The following GUCY1A2 variants were observed in gnomAD, a reference collection of about 807,000 sequenced individuals.
The protein encoded by GUCY1A2 is guanylate cyclase soluble subunit alpha-2.
GUCY1A2 carries 27 observed loss-of-function variants against 63.5 expected under a neutral mutation model. That is an observed-to-expected ratio of 0.43 (90% confidence interval 0.31 to 0.59). The LOEUF is 0.59. Ranked by LOEUF, GUCY1A2 falls within the 20% of genes least tolerant of loss-of-function variation. GUCY1A2 has a pLI of 0.11. For synonymous variants in GUCY1A2, 364 were observed against 343.5 expected, an observed-to-expected ratio of 1.06 and a Z score of -0.66; for missense variants, 768 against 913.3, an observed-to-expected ratio of 0.84 and a Z score of 2.05.
chr11:106,923,815 TA>T (rs972794842), intron 4 of GUCY1A2, among the ~76,000 whole-genome samples: 1 of 152,110 alleles, frequency 6.6e-6, no homozygotes, highest in Non-Finnish European at 1.5e-5. Context: ...TGAGAAGTTT[TA>T]AAGTATTAAA....
rs1331733503 is a variant in GUCY1A2 at position 106,810,181 on chromosome 11, C to T, written c.1504G>A (p.Val502Ile). The T allele has an allele frequency of 1.2e-6, 2 of 1,613,698 alleles. No homozygotes were observed. Among genetic ancestry groups the T allele is most frequent in the East Asian group, 2.2e-5 (1 of 44,876 alleles). ...DLLYSIFPGD[V>I]AQQLWQGQQV... is the part of the protein sequence containing the mutation. Reference sequence around the variant, plus strand: ...TGCCCTTGCCATAATTGCTGGGCTACATCACCAGGGAAAATAGAATATAGA... The same window carrying T: ...TGCCCTTGCCATAATTGCTGGGCTATATCACCAGGGAAAATAGAATATAGA... The change falls in exon 5 of 8, where the codon GTA becomes ATA. Residue 502 changes from valine to isoleucine, a missense_variant. Physicochemically the swap from Val to Ile is conservative, Grantham distance 29. Transcript: ENST00000526355.
intron 3 of GUCY1A2, among the ~76,000 whole-genome samples, chr11:106,965,734 A>G (rs1861118979): frequency 6.6e-6 from 1 of 152,154 alleles, no homozygotes; most frequent in East Asian, 1.9e-4. Flanking sequence ...TGGCACATGG[A>G]GGTATTCAAA....
chr11:106,776,617 G>A, intron 5 of GUCY1A2, 35 bp from the exon 6 acceptor site: 1 of 1,597,414 alleles, frequency 6.3e-7, no homozygotes, highest in South Asian at 1.1e-5. Flanking sequence ...GCAAACGTAT[G>A]ATAATGAGCC....
At chr11:106,933,004 C>A (rs538778495) in intron 4 of GUCY1A2, among the ~76,000 whole-genome samples, 2 of 152,150 alleles carry the variant, frequency 1.3e-5, no homozygotes, top group East Asian at 3.9e-4. Context: ...AGACCTCGAA[C>A]AGTAAGAATC....
chr11:106,705,914 GATGTCACA>G (rs1230968849), intron 7 of GUCY1A2, among the ~76,000 whole-genome samples: 4 of 152,030 alleles, frequency 2.6e-5, no homozygotes, highest in Non-Finnish European at 5.9e-5. Flanking sequence ...AACTCATTAG[GATGTCACA>G]ATGAAAGACT....
chr11:106,849,698 C>T (rs1368847888), intron 4 of GUCY1A2, among the ~76,000 whole-genome samples: 1 of 150,550 alleles, frequency 6.6e-6, no homozygotes. Context: ...CCATTTAAGA[C>T]ACTCTTTTGA....
intron 4 of GUCY1A2, among the ~76,000 whole-genome samples, chr11:106,916,762 G>T (rs1860375444): frequency 6.9e-6 from 1 of 145,352 alleles, no homozygotes; most frequent in Non-Finnish European, 1.5e-5. Flanking sequence ...GATATATCTT[G>T]ATTACTGACA....
chr11:106,828,548 C>T (rs564115777), intron 4 of GUCY1A2, among the ~76,000 whole-genome samples: 1 of 152,212 alleles, frequency 6.6e-6, no homozygotes, highest in South Asian at 2.1e-4. Context: ...ATTTTAACAA[C>T]ACCTACACAT....
intron 4 of GUCY1A2, among the ~76,000 whole-genome samples, chr11:106,930,138 A>C (rs930866192): frequency 3.9e-5 from 6 of 152,258 alleles, no homozygotes; most frequent in African/African-American, 1.4e-4. Context: ...GATAAAACTG[A>C]AACAAGTAGT....
intron 7 of GUCY1A2, among the ~76,000 whole-genome samples, chr11:106,690,998 A>G (rs771987067): frequency 1.3e-5 from 2 of 152,232 alleles, no homozygotes; most frequent in Non-Finnish European, 2.9e-5. Flanking sequence ...TTAATATATA[A>G]TCAGTCACTT....
At chr11:106,926,264 A>G (rs935823320) in intron 4 of GUCY1A2, among the ~76,000 whole-genome samples, 31 of 151,990 alleles carry the variant, frequency 2.0e-4, no homozygotes, top group Admixed American at 2.0e-3. Flanking sequence ...CACTACTACT[A>G]CTAATAACAA....
At chr11:106,922,533 T>TAC (rs35961634) in intron 4 of GUCY1A2, among the ~76,000 whole-genome samples, 152 of 149,244 alleles carry the variant, frequency 1.0e-3, no homozygotes, top group African/African-American at 3.1e-3. Context: ...AAATTGTGAG[T>TAC]ACACACACAC....
chr11:106,938,666 C>T (rs1368227011), intron 4 of GUCY1A2, among the ~76,000 whole-genome samples: 1 of 152,110 alleles, frequency 6.6e-6, no homozygotes, highest in Non-Finnish European at 1.5e-5. Context: ...CATAAAAAAT[C>T]ATGGTTTATT....
intron 3 of GUCY1A2, among the ~76,000 whole-genome samples, chr11:106,972,499 G>T (rs536010104): frequency 6.6e-6 from 1 of 152,180 alleles, no homozygotes; most frequent in East Asian, 1.9e-4. Context: ...AGAGGTGCTA[G>T]ACAGAAAGCT....
Position 106,985,819 on chromosome 11 carries a change from T to C in GUCY1A2, c.365+251A>G, listed in dbSNP as rs551541848. Reference sequence around the variant, plus strand: ...ACATCGGAATAAAAGAGTAAGAACATGAGAAGACTGAGAAAAAAAAGAAAA... The same window carrying C: ...ACATCGGAATAAAAGAGTAAGAACACGAGAAGACTGAGAAAAAAAAGAAAA... On this transcript the variant is annotated intron_variant, in intron 2 of 7. Transcript: ENST00000526355. Among the ~76,000 whole-genome samples, 11 of 152,094 alleles carry C rather than the reference T, an allele frequency of 7.2e-5. No homozygotes were observed. In the East Asian group the frequency reaches 1.4e-3, roughly 19 times the overall value.
At chr11:106,797,623 C>A (rs1864790765) in intron 5 of GUCY1A2, among the ~76,000 whole-genome samples, 1 of 152,122 alleles carries the variant, frequency 6.6e-6, no homozygotes, top group Admixed American at 6.6e-5. Context: ...TCACTCAAAA[C>A]CACTCAACTA....
intron 1 of GUCY1A2, among the ~76,000 whole-genome samples, chr11:107,012,972 C>T (rs558423607): frequency 6.7e-6 from 1 of 149,266 alleles, no homozygotes; most frequent in Non-Finnish European, 1.5e-5. Context: ...TGTCAGAGAG[C>T]TCATTTTATT....
chr11:106,854,886 C>A (rs1422105260), intron 4 of GUCY1A2, among the ~76,000 whole-genome samples: 1 of 152,058 alleles, frequency 6.6e-6, no homozygotes. Flanking sequence ...GGGCAGCCAC[C>A]CTGGTGTGCT....
chr11:106,732,425 A>G (rs982295774), intron 6 of GUCY1A2, among the ~76,000 whole-genome samples: 6 of 152,176 alleles, frequency 3.9e-5, no homozygotes, highest in African/African-American at 9.6e-5. Context: ...TTAAGTACAT[A>G]AAGTTAGCTT....
Sources: allele counts gnomAD v4.1 joint callset (sites outside exome capture counted in the v4.1 genomes callset), GRCh38; gene constraint gnomAD v4.1.1; transcripts MANE v1.5; gene names NCBI Gene and HGNC (gene_info 2026-07-23, HGNC 2026-07-21).